Variants in GPHN observed in about 807,000 individuals in gnomAD.
The protein encoded by GPHN is gephyrin.
Under a neutral mutation model 95.5 loss-of-function variants are expected in GPHN, and 17 were observed. The observed-to-expected ratio is 0.18, with a 90% CI of 0.12 to 0.27. The LOEUF (loss-of-function observed/expected upper bound fraction) is 0.27, where lower values mean the gene tolerates loss of function less well. GPHN is among the 10% of genes least tolerant of loss of function. The pLI is 1.00. For missense variants in GPHN, 660 were observed against 978.1 expected (o/e 0.67, Z 4.34); for synonymous variants, 320 against 322.5 (o/e 0.99, Z 0.08).
the GPHN span, among the ~76,000 whole-genome samples, chr14:67,490,195 A>G: frequency 6.6e-6 from 1 of 152,194 alleles, no homozygotes; most frequent in African/African-American, 2.4e-5. Context: ...ATAGGCCACC[A>G]TCACAGATGA....
chr14:67,371,035 A>G, the GPHN span, among the ~76,000 whole-genome samples: 4 of 152,150 alleles, frequency 2.6e-5, no homozygotes, highest in Admixed American at 6.5e-5. Flanking sequence ...AAAAAAAAGG[A>G]AAACTCTAGG....
chr14:67,001,047 T>C (rs1300868041), intron 9 of GPHN, among the ~76,000 whole-genome samples: 2 of 151,450 alleles, frequency 1.3e-5, no homozygotes, highest in Non-Finnish European at 3.0e-5. Context: ...GCAAGAAAAA[T>C]TTAAAGTTTA....
the GPHN span, among the ~76,000 whole-genome samples, chr14:67,319,334 C>G: frequency 6.6e-6 from 1 of 152,174 alleles, no homozygotes. Flanking sequence ...GTTCTTACCA[C>G]TTGACAGCTC....
At chr14:67,628,349 A>T in the GPHN span, among the ~76,000 whole-genome samples, 50,234 of 152,096 alleles carry the variant, frequency 0.33, 8,937 homozygotes, top group African/African-American at 0.46. Context: ...CTCAGCCTTC[A>T]GGATAGCTGG....
the GPHN span, among the ~76,000 whole-genome samples, chr14:67,346,891 T>C: frequency 8.0e-4 from 122 of 152,362 alleles, 2 homozygotes; most frequent in East Asian, 0.022. Flanking sequence ...AAAGGCCTTA[T>C]ATTTTTTAAA....
chr14:67,487,819 C>T, the GPHN span, among the ~76,000 whole-genome samples: 317 of 151,966 alleles, frequency 2.1e-3, no homozygotes, highest in African/African-American at 7.4e-3. Flanking sequence ...CAAGTAGAGA[C>T]GGGTCTTGCT....
the GPHN span, among the ~76,000 whole-genome samples, chr14:67,375,410 G>A: frequency 2.0e-5 from 3 of 152,062 alleles, no homozygotes; most frequent in Admixed American, 2.0e-4. Flanking sequence ...GCGTAAGCCA[G>A]TGTGCCCAGC....
chr14:67,410,373 C>T, the GPHN span, among the ~76,000 whole-genome samples: 6 of 152,288 alleles, frequency 3.9e-5, no homozygotes, highest in East Asian at 5.8e-4. Context: ...CAAAAAGCCC[C>T]GTGCCCAGCT....
intron 1 of GPHN, among the ~76,000 whole-genome samples, chr14:66,634,057 G>A (rs1050181488): frequency 6.6e-6 from 1 of 151,184 alleles, no homozygotes; most frequent in African/African-American, 2.4e-5. Flanking sequence ...GTATCTTGTA[G>A]AGTTTCCTTA....
Position 66,508,182 on chromosome 14 carries a change from G to T in GPHN, c.-346G>T, listed in dbSNP as rs1474552626. On this transcript the variant is annotated 5_prime_UTR_variant, in exon 1 of 23. Transcript: ENST00000478722. ...CAGTCCTGCCATCTAGCTGCCTTGG[G>T]TCTCGCGCTCCGCAGAGCGTTCCGA... 1 of 486,496 alleles carries T rather than the reference G, an allele frequency of 2.1e-6. No homozygotes were observed. The highest frequency in any genetic ancestry group is 3.8e-5 in the East Asian group (1 of 26,638). The allele number at this position is 486,496 out of a possible 1,614,324, so 30.1% of individuals were successfully genotyped here. A position where few individuals can be genotyped will look rare whatever the true frequency, so the allele number is the denominator to read the frequency against.
intron 3 of GPHN, among the ~76,000 whole-genome samples, chr14:66,797,021 C>CTTTTTT (rs369681377): frequency 9.8e-5 from 8 of 81,226 alleles, no homozygotes; most frequent in Non-Finnish European, 1.8e-4. Context: ...TATCTAGTTC[C>CTTTTTT]TTTTTTTTTT....
intron 10 of GPHN, among the ~76,000 whole-genome samples, chr14:67,026,460 C>G (rs998255366): frequency 6.6e-6 from 1 of 151,896 alleles, no homozygotes; most frequent in African/African-American, 2.4e-5. Context: ...ATGGTTCATC[C>G]CACTTAATCC....
At chr14:66,909,368 G>C (rs1176271639) in intron 5 of GPHN, among the ~76,000 whole-genome samples, 1 of 151,852 alleles carries the variant, frequency 6.6e-6, no homozygotes, top group African/African-American at 2.4e-5. Flanking sequence ...AATGATAGTA[G>C]AAAAAAGGGA....
chr14:67,085,625 G>T (rs901023795), intron 11 of GPHN, among the ~76,000 whole-genome samples: 1 of 152,222 alleles, frequency 6.6e-6, no homozygotes, highest in Non-Finnish European at 1.5e-5. Flanking sequence ...GTGTAAAAGT[G>T]ACTATACTAA....
At chr14:67,359,944 C>G in the GPHN span, 139 of 557,506 alleles carry the variant, frequency 2.5e-4, no homozygotes, top group African/African-American at 2.1e-3. Context: ...GCGGAACCAC[C>G]CCTCAATTCC....
At chr14:67,216,092 C>A in the GPHN span, among the ~76,000 whole-genome samples, 3 of 152,118 alleles carry the variant, frequency 2.0e-5, no homozygotes, top group Non-Finnish European at 1.5e-5. Context: ...TACCAATCCC[C>A]CATGGTATCT....
At chr14:66,777,540 A>T (rs1430168566) in intron 3 of GPHN, among the ~76,000 whole-genome samples, 1 of 152,176 alleles carries the variant, frequency 6.6e-6, no homozygotes, top group Non-Finnish European at 1.5e-5. Context: ...TTTTAGACCA[A>T]TATCCTTGAT....
the GPHN span, among the ~76,000 whole-genome samples, chr14:67,601,099 G>A: frequency 2.0e-5 from 3 of 152,100 alleles, no homozygotes; most frequent in Non-Finnish European, 2.9e-5. Context: ...AGAGAGTATC[G>A]TTGGCAATAC....
At chr14:67,012,466 A>G (rs890212463) in intron 9 of GPHN, among the ~76,000 whole-genome samples, 10 of 152,094 alleles carry the variant, frequency 6.6e-5, no homozygotes, top group African/African-American at 2.4e-4. Flanking sequence ...GTGTCTTTTT[A>G]TTACCAATCT....
Sources: gnomAD v4.1 joint callset for allele counts (sites outside exome capture counted in the v4.1 genomes callset) on GRCh38, gnomAD v4.1.1 for gene constraint, MANE v1.5 for transcripts, NCBI Gene and HGNC (gene_info 2026-07-23, HGNC 2026-07-21) for gene names.